The following TBCE variants were observed in gnomAD, a reference collection of about 807,000 sequenced individuals.
The protein encoded by TBCE is tubulin-specific chaperone E.
TBCE carries 53 observed loss-of-function variants against 77.0 expected under a neutral mutation model. The ratio of observed to expected loss-of-function variants is 0.69; its 90% CI spans 0.55 to 0.87. The LOEUF (loss-of-function observed/expected upper bound fraction) is 0.87. TBCE is among the 40% of genes least tolerant of loss of function. TBCE has a pLI of 0.00. For missense variants in TBCE, 624 were observed against 622.4 expected, an observed-to-expected ratio of 1.00 and a Z score of -0.03; for synonymous variants, 235 against 241.3, an observed-to-expected ratio of 0.97 and a Z score of 0.24.
chr1:235,384,371 G>A (rs1238372666), intron 2 of TBCE, among the ~76,000 whole-genome samples: 1 of 142,006 alleles, frequency 7.0e-6, no homozygotes, highest in East Asian at 2.1e-4. Flanking sequence ...CTATTGATTG[G>A]AATAGTTTCA....
intron 2 of TBCE, among the ~76,000 whole-genome samples, chr1:235,382,599 T>G (rs1207466615): frequency 6.6e-6 from 1 of 152,126 alleles, no homozygotes; most frequent in Admixed American, 6.6e-5. Flanking sequence ...GTTTTTTGGC[T>G]GCATAAATGT....
intron 4 of TBCE, 200 bp from the exon 5 acceptor site, chr1:235,419,273 G>T: frequency 1.4e-6 from 1 of 725,470 alleles, no homozygotes; most frequent in Middle Eastern, 3.9e-4. Flanking sequence ...GGCCCCAGAG[G>T]ACTTCAGTTG....
intron 2 of TBCE, among the ~76,000 whole-genome samples, chr1:235,381,677 T>G (rs1317432294): frequency 7.3e-5 from 6 of 82,410 alleles, no homozygotes; most frequent in Admixed American, 2.0e-4. Context: ...AGAGCGAGAC[T>G]CCTTCTCCAA....
Position 235,436,419 on chromosome 1 carries a change from T to C in TBCE, c.867T>C (p.Ile289=). 6.2e-7 allele frequency: 1 copy of C among 1,614,138 alleles called. No individual in the cohort carries two copies. Among genetic ancestry groups the C allele is most frequent in the Non-Finnish European group, 8.5e-7 (1 of 1,179,988 alleles). ...LEQLILSDTG[I]SSLHFPDAGI... is the part of the protein sequence containing the mutation. ...AATTAATCCTCTCTGACACTGGAATTTCTTCTCTACATTTTCCGGATGCTG... is the reference window on the plus strand; with the variant it reads ...AATTAATCCTCTCTGACACTGGAATCTCTTCTCTACATTTTCCGGATGCTG... Residue 289 remains isoleucine, a synonymous_variant, in exon 10 of 17, where the codon ATT becomes ATC. Transcript: ENST00000642610.
intron 2 of TBCE, among the ~76,000 whole-genome samples, chr1:235,391,689 C>A (rs1678404712): frequency 6.9e-6 from 1 of 145,200 alleles, no homozygotes; most frequent in South Asian, 2.2e-4. Flanking sequence ...TCACTGCAAC[C>A]ACTGCTTCCC....
chr1:235,426,684 C>T (rs1227809286), intron 5 of TBCE, among the ~76,000 whole-genome samples: 1 of 152,204 alleles, frequency 6.6e-6, no homozygotes, highest in African/African-American at 2.4e-5. Flanking sequence ...CTCACTCTGT[C>T]ACCCAGGCTG....
chr1:235,414,124 G>A (rs972629247), intron 3 of TBCE: 6 of 342,516 alleles, frequency 1.8e-5, no homozygotes, highest in African/African-American at 1.3e-4. Context: ...CCAAAGTGCT[G>A]GGATTACAGT....
chr1:235,380,163 GT>G lies in TBCE; in HGVS notation c.100+15del, dbSNP rs755745594. 0.12 allele frequency: 1,477 copies of G among 11,898 alleles called. No individual in the cohort carries two copies. The highest frequency in any genetic ancestry group is 0.13 in the Non-Finnish European group (1,174 of 9,182). 0.7% of individuals were successfully genotyped at this position (11,898 alleles called of 1,614,324 possible). A position where few individuals can be genotyped will look rare whatever the true frequency, so the allele number is the denominator to read the frequency against. ...CTCCCGTGGCAGGTAAGCAATTATT[GT>G]GTGTGTGTGTGTGTGTGTGTGTGTG... On this transcript the variant is annotated intron_variant, in intron 2 of 16. Transcript: ENST00000642610.
At chr1:235,422,403 C>G (rs1680445956) in intron 5 of TBCE, among the ~76,000 whole-genome samples, 1 of 151,848 alleles carries the variant, frequency 6.6e-6, no homozygotes, top group Admixed American at 6.6e-5. Context: ...ATCCCAGCTA[C>G]TCAGGAGGAG....
intron 15 of TBCE, among the ~76,000 whole-genome samples, chr1:235,443,546 C>CA (rs1468171101): frequency 3.3e-5 from 5 of 152,144 alleles, no homozygotes; most frequent in Admixed American, 3.3e-4. Flanking sequence ...CCTTGAATGG[C>CA]ATAGCCTTTT....
intron 3 of TBCE, among the ~76,000 whole-genome samples, chr1:235,407,772 A>G (rs369575832): frequency 2.6e-5 from 4 of 151,824 alleles, no homozygotes. Context: ...CTTCCTAGGT[A>G]CTCCTGCTCT....
At chr1:235,377,091 A>G (rs1016281302) in intron 1 of TBCE, among the ~76,000 whole-genome samples, 2 of 152,156 alleles carry the variant, frequency 1.3e-5, no homozygotes, top group African/African-American at 4.8e-5. Context: ...CCCCTTCCCA[A>G]TGGCCCTGTC....
intron 1 of TBCE, among the ~76,000 whole-genome samples, chr1:235,372,922 TAAAAA>T (rs71174418): frequency 3.9e-5 from 3 of 76,202 alleles, no homozygotes; most frequent in Admixed American, 1.6e-4. Flanking sequence ...AGACTCCGTC[TAAAAA>T]AAAAAAAAAA....
chr1:235,375,096 A>AT (rs1461759273), intron 1 of TBCE, among the ~76,000 whole-genome samples: 3 of 150,400 alleles, frequency 2.0e-5, no homozygotes, highest in Non-Finnish European at 4.4e-5. Flanking sequence ...AATTTTTTGT[A>AT]TTTTTAGTAG....
intron 15 of TBCE, among the ~76,000 whole-genome samples, chr1:235,448,073 G>C (rs975348783): frequency 1.3e-5 from 2 of 152,078 alleles, no homozygotes; most frequent in Non-Finnish European, 2.9e-5. Flanking sequence ...GCTGGGTGTG[G>C]TGATGGGCAC....
chr1:235,386,907 G>GT (rs1416806077), intron 2 of TBCE, among the ~76,000 whole-genome samples: 2 of 152,124 alleles, frequency 1.3e-5, no homozygotes, highest in African/African-American at 4.8e-5. Context: ...TTTCTGCTCT[G>GT]TTTTTTCCCC....
At chr1:235,439,124 C>A (rs1238523116) in intron 13 of TBCE, 15 of 648,094 alleles carry the variant, frequency 2.3e-5, no homozygotes, top group South Asian at 5.6e-5. Flanking sequence ...GCAGGAGGAA[C>A]CTGGGAGACT....
intron 2 of TBCE, among the ~76,000 whole-genome samples, chr1:235,400,408 C>CTTTTTTTTTTTTTTTTTTTTTTT (rs71174425): frequency 1.1e-4 from 12 of 106,024 alleles, no homozygotes; most frequent in South Asian, 2.8e-4. Flanking sequence ...TATTTTTCCT[C>CTTTTTTTTTTTTTTTTTTTTTTT]TTTTTTTTTT....
intron 1 of TBCE, among the ~76,000 whole-genome samples, chr1:235,370,543 A>G (rs369723889): frequency 0.01 from 1,377 of 136,622 alleles, 10 homozygotes; most frequent in Middle Eastern, 0.035. Context: ...GAGCCACTGC[A>G]CCCGGCATTT....
Sources: allele counts gnomAD v4.1 joint callset (sites outside exome capture counted in the v4.1 genomes callset), GRCh38; gene constraint gnomAD v4.1.1; transcripts MANE v1.5; gene names NCBI Gene and HGNC (gene_info 2026-07-23, HGNC 2026-07-21).